ABCD3: variants seen among roughly 807,000 people sequenced by gnomAD.
ABCD3 encodes the protein ATP-binding cassette sub-family D member 3.
Under a neutral mutation model 105.5 loss-of-function variants are expected in ABCD3, and 41 were observed. The observed-to-expected ratio is 0.39, with a 90% CI of 0.30 to 0.50. The LOEUF (loss-of-function observed/expected upper bound fraction) is 0.50, where lower values mean the gene tolerates loss of function less well. Ranked by LOEUF, ABCD3 falls within the 20% of genes least tolerant of loss-of-function variation. ABCD3 has a pLI of 0.84. For synonymous variants in ABCD3, 258 were observed against 269.0 expected (o/e 0.96, Z 0.40); for missense variants, 622 against 806.3 (o/e 0.77, Z 2.77).
chr1:94,489,491 A>G (rs2101023676), intron 13 of ABCD3, among the ~76,000 whole-genome samples: 1 of 152,190 alleles, frequency 6.6e-6, no homozygotes, highest in Non-Finnish European at 1.5e-5. Context: ...CTATTAATGA[A>G]GTATCTGTTG....
chr1:94,436,513 T>C (rs1258486225), intron 1 of ABCD3, among the ~76,000 whole-genome samples: 1 of 152,222 alleles, frequency 6.6e-6, no homozygotes, highest in East Asian at 1.9e-4. Context: ...TGTCAGAGCA[T>C]ATTGATATAG....
At chr1:94,406,855 C>A in the ABCD3 span, 1 of 164,596 alleles carries the variant, frequency 6.1e-6, no homozygotes, top group Non-Finnish European at 1.4e-5. Context: ...TATTGGGTGG[C>A]TCTCCTCTTT....
At chr1:94,502,042 A>C (rs1162147582) in intron 20 of ABCD3, among the ~76,000 whole-genome samples, 2 of 151,736 alleles carry the variant, frequency 1.3e-5, no homozygotes, top group South Asian at 2.1e-4. Flanking sequence ...CCCATAGGAG[A>C]TAAGATATAT....
chr1:94,418,751 T>G, intron 1 of ABCD3, 163 bp downstream of exon 1: 1 of 690,572 alleles, frequency 1.4e-6, no homozygotes, highest in Non-Finnish European at 2.4e-6. Flanking sequence ...TGTCCGCGAG[T>G]CCCCGCCACG....
chr1:94,494,820 T>A (rs1010041400), intron 16 of ABCD3, among the ~76,000 whole-genome samples: 2 of 152,140 alleles, frequency 1.3e-5, no homozygotes, highest in Non-Finnish European at 2.9e-5. Flanking sequence ...GGTTACCATG[T>A]GGGGATTAAA....
chr1:94,435,045 A>G (rs1300836127), intron 1 of ABCD3, among the ~76,000 whole-genome samples: 1 of 151,506 alleles, frequency 6.6e-6, no homozygotes, highest in Admixed American at 6.6e-5. Flanking sequence ...TCTTTCTTAC[A>G]GTTTATTCCC....
At chr1:94,387,252 A>G in the ABCD3 span, among the ~76,000 whole-genome samples, 1 of 152,334 alleles carries the variant, frequency 6.6e-6, no homozygotes, top group East Asian at 1.9e-4. Context: ...CTATTTAACA[A>G]CAGGACTTGA....
At chr1:94,416,187 A>T (rs1053309937), upstream of ABCD3, among the ~76,000 whole-genome samples, 1 of 152,180 alleles carries the variant, frequency 6.6e-6, no homozygotes, top group African/African-American at 2.4e-5. Context: ...TTACTTTCTC[A>T]CAAGGTTCCC....
At chr1:94,389,400 G>A in the ABCD3 span, among the ~76,000 whole-genome samples, 1 of 152,294 alleles carries the variant, frequency 6.6e-6, no homozygotes, top group Admixed American at 6.5e-5. Flanking sequence ...GGAACACCTG[G>A]CCCACCCAGG....
chr1:94,385,298 G>C, the ABCD3 span, among the ~76,000 whole-genome samples: 1 of 152,186 alleles, frequency 6.6e-6, no homozygotes, highest in African/African-American at 2.4e-5. Flanking sequence ...AGTCTAGAAA[G>C]TGTCCTGAGC....
chr1:94,414,676 T>C (rs1289651478), upstream of ABCD3, among the ~76,000 whole-genome samples: 1 of 152,116 alleles, frequency 6.6e-6, no homozygotes, highest in Admixed American at 6.5e-5. Flanking sequence ...ATTGCAAACT[T>C]TTCTCTCATT....
At chr1:94,494,175 TACTC>T (rs1276751812) in intron 16 of ABCD3, among the ~76,000 whole-genome samples, 1 of 152,232 alleles carries the variant, frequency 6.6e-6, no homozygotes, top group African/African-American at 2.4e-5. Context: ...TTTATTATGA[TACTC>T]ATTATGTTGA....
the ABCD3 span, among the ~76,000 whole-genome samples, chr1:94,400,225 T>C: frequency 6.6e-6 from 1 of 151,800 alleles, no homozygotes; most frequent in Non-Finnish European, 1.5e-5. Context: ...CTGGCCAAAA[T>C]AGTGGAAACC....
At chr1:94,408,420 T>TA in the ABCD3 span, among the ~76,000 whole-genome samples, 38,837 of 146,386 alleles carry the variant, frequency 0.27, 5,581 homozygotes, top group Admixed American at 0.35. Context: ...CCATCTCTAC[T>TA]AAAAAAATCC....
chr1:94,480,568 A>G lies in ABCD3; in HGVS notation c.789A>G (p.Gly263=). 6.2e-7 allele frequency: 1 copy of G among 1,613,880 alleles called. No individual in the cohort carries two copies. Among genetic ancestry groups the G allele is most frequent in the South Asian group, 1.1e-5 (1 of 91,084 alleles). The change falls in exon 9 of 23, where the codon GGA becomes GGG. Residue 263 remains glycine (G), a synonymous_variant. Transcript: ENST00000370214. The stretch of plus-strand genomic sequence containing the variant: ...CAATAACTGAGCAAAAGTATGAAGG[A>G]GAATATAGATATGTTAATTCTCGGC... The part of the protein sequence containing the change: ...KMTITEQKYE[G]EYRYVNSRLI...
At position 94,487,580 on chromosome 1, in the gene ABCD3, A is replaced by C. The variant is rs1263610353; in HGVS notation, c.936A>C (p.Ser312=). Residue 312 remains serine, a synonymous_variant, in exon 11 of 23, where the codon TCA becomes TCC. Coordinates refer to ENST00000370214, the MANE Select transcript of ABCD3 (RefSeq NM_002858.4). ...ATAATTTCATTTTGTTTCGGTTTTC[A>C]ATGGGCTTCATTGATAGTATTATTG... ...HLHNFILFRF[S]MGFIDSIIAK... The C allele has an allele frequency of 1.2e-6, 2 of 1,613,904 alleles. No individual in the cohort carries two copies.
chr1:94,446,330 C>A (rs1660345281), intron 1 of ABCD3, among the ~76,000 whole-genome samples: 1 of 152,168 alleles, frequency 6.6e-6, no homozygotes, highest in African/African-American at 2.4e-5. Flanking sequence ...CTGGGGAACC[C>A]CTGCAAAAGG....
At chr1:94,460,880 A>T (rs1647836180) in intron 2 of ABCD3, among the ~76,000 whole-genome samples, 1 of 152,140 alleles carries the variant, frequency 6.6e-6, no homozygotes, top group South Asian at 2.1e-4. Context: ...CTGAGTAATC[A>T]AATGTTAGTT....
intron 1 of ABCD3, among the ~76,000 whole-genome samples, chr1:94,454,435 G>A (rs965518080): frequency 3.3e-5 from 5 of 152,086 alleles, no homozygotes; most frequent in African/African-American, 1.2e-4. Flanking sequence ...AGACATGTTT[G>A]CATTAAATCC....
Sources: gnomAD v4.1 joint callset for allele counts (sites outside exome capture counted in the v4.1 genomes callset) on GRCh38, gnomAD v4.1.1 for gene constraint, MANE v1.5 for transcripts, NCBI Gene and HGNC (gene_info 2026-07-23, HGNC 2026-07-21) for gene names.